The following MYO5B variants were observed in gnomAD, a reference collection of about 807,000 sequenced individuals.
MYO5B encodes the protein unconventional myosin-Vb.
Under a neutral mutation model 229.3 loss-of-function variants are expected in MYO5B, and 143 were observed. The observed-to-expected ratio is 0.62, with a 90% CI of 0.54 to 0.72. The LOEUF is 0.72. Ranked by LOEUF, MYO5B falls within the 30% of genes least tolerant of loss-of-function variation. The pLI is 0.00. For missense variants in MYO5B, 2,321 were observed against 2,331.0 expected, an observed-to-expected ratio of 1.00 and a Z score of 0.09; for synonymous variants, 918 against 885.2, an observed-to-expected ratio of 1.04 and a Z score of -0.66.
chr18:50,106,369 C>T (rs1468556431), intron 1 of MYO5B, among the ~76,000 whole-genome samples: 1 of 152,192 alleles, frequency 6.6e-6, no homozygotes, highest in East Asian at 1.9e-4. Flanking sequence ...TTGCTCAGAG[C>T]TCTTAGATGC....
chr18:50,112,917 C>G (rs2031892753), intron 1 of MYO5B, among the ~76,000 whole-genome samples: 2 of 152,216 alleles, frequency 1.3e-5, no homozygotes, highest in African/African-American at 2.4e-5. Context: ...TAGCACAACA[C>G]AGTCATTAAA....
At chr18:49,902,563 G>T (rs767543034) in intron 21 of MYO5B, 31 bp downstream of exon 21, 26 of 1,606,574 alleles carry the variant, frequency 1.6e-5, no homozygotes, top group Non-Finnish European at 8.5e-7. Flanking sequence ...CCAAGCCCCC[G>T]ACACCCAGGT....
At chr18:50,096,237 A>C (rs1369384153) in intron 1 of MYO5B, among the ~76,000 whole-genome samples, 2 of 152,188 alleles carry the variant, frequency 1.3e-5, no homozygotes, top group Non-Finnish European at 2.9e-5. Flanking sequence ...ATGCTGAGAC[A>C]CTGGGCTGCA....
At chr18:49,985,564 T>A (rs1175002689) in intron 7 of MYO5B, among the ~76,000 whole-genome samples, 1 of 152,172 alleles carries the variant, frequency 6.6e-6, no homozygotes, top group Admixed American at 6.5e-5. Context: ...AAGTGAGCAT[T>A]TAAGGCAACA....
intron 19 of MYO5B, 96 bp downstream of exon 19, chr18:49,906,323 A>T: frequency 8.0e-7 from 1 of 1,246,276 alleles, no homozygotes; most frequent in Non-Finnish European, 1.2e-6. Flanking sequence ...AACCACTCTC[A>T]GCACAGAGGA....
At chr18:50,001,906 C>T (rs2026051295) in intron 4 of MYO5B, among the ~76,000 whole-genome samples, 1 of 152,044 alleles carries the variant, frequency 6.6e-6, no homozygotes, top group African/African-American at 2.4e-5. Flanking sequence ...TATGGTGGCA[C>T]ACGCCTGTAG....
chr18:49,921,731 A>C (rs2025078058), intron 17 of MYO5B, among the ~76,000 whole-genome samples: 1 of 152,170 alleles, frequency 6.6e-6, no homozygotes, highest in Non-Finnish European at 1.5e-5. Flanking sequence ...TTCCTCTTCC[A>C]GGGCATCGGT....
chr18:50,001,134 A>G (rs949562310), intron 5 of MYO5B, 121 bp downstream of exon 5: 5 of 1,295,596 alleles, frequency 3.9e-6, no homozygotes, highest in Non-Finnish European at 5.6e-6. Flanking sequence ...TTTCCTCCAC[A>G]GTGGACAGAG....
chr18:49,828,008 C>G (rs57982161), intron 39 of MYO5B, among the ~76,000 whole-genome samples: 3,774 of 152,222 alleles, frequency 0.025, 143 homozygotes, highest in South Asian at 0.12. Flanking sequence ...ATACCCAGAT[C>G]CATGGATATG....
At chr18:50,028,790 TC>T (rs1484378706) in intron 4 of MYO5B, among the ~76,000 whole-genome samples, 1 of 152,210 alleles carries the variant, frequency 6.6e-6, no homozygotes, top group African/African-American at 2.4e-5. Flanking sequence ...CTCTCTCCTT[TC>T]TAACATGCTG....
At chr18:49,914,690 G>A (rs956504642) in intron 17 of MYO5B, among the ~76,000 whole-genome samples, 1 of 148,098 alleles carries the variant, frequency 6.8e-6, no homozygotes, top group Non-Finnish European at 1.5e-5. Flanking sequence ...TGAGGCAGGA[G>A]AATCACTTGA....
intron 1 of MYO5B, among the ~76,000 whole-genome samples, chr18:50,112,230 C>T (rs1046678169): frequency 6.6e-6 from 1 of 152,112 alleles, no homozygotes; most frequent in Admixed American, 6.5e-5. Context: ...AGAATTGAAG[C>T]CCCACTCCTG....
intron 30 of MYO5B, among the ~76,000 whole-genome samples, chr18:49,854,827 G>A (rs899955100): frequency 2.6e-5 from 4 of 152,174 alleles, no homozygotes; most frequent in African/African-American, 4.8e-5. Context: ...CTACAAGGGA[G>A]CAAGAGAGAG....
At chr18:50,148,546 A>G (rs1006309379) in intron 1 of MYO5B, among the ~76,000 whole-genome samples, 6 of 152,258 alleles carry the variant, frequency 3.9e-5, no homozygotes, top group African/African-American at 1.2e-4. Flanking sequence ...AAATCAATAA[A>G]TGTAATTCAG....
chr18:50,174,363 G>A (rs1018060031), intron 1 of MYO5B, among the ~76,000 whole-genome samples: 4 of 152,064 alleles, frequency 2.6e-5, no homozygotes, highest in Non-Finnish European at 5.9e-5. Context: ...GCCCCCATCA[G>A]CCCCTAGCTC....
Position 50,172,274 on chromosome 18 carries a change from C to T in MYO5B, c.27+22493G>A, listed in dbSNP as rs1227269262. Among the ~76,000 whole-genome samples the T allele has an allele frequency of 2.3e-5, 3 of 129,154 alleles. No individual in the cohort carries two copies. The Admixed American group carries it at 2.5e-4, about 11-fold the overall frequency. 84.7% of individuals were successfully genotyped at this position (129,154 alleles called of 152,430 possible). A position where few individuals can be genotyped will look rare whatever the true frequency, so the allele number is the denominator to read the frequency against. On this transcript the variant is annotated intron_variant, in intron 1 of 39. Transcript: ENST00000285039. ...CCAGCCTAGGTGATAGAGTGAGACC[C>T]TGACAAAAAAAGACAAAAAAAAAAA...
chr18:50,061,780 G>A (rs1037814234), intron 1 of MYO5B, among the ~76,000 whole-genome samples: 15 of 152,194 alleles, frequency 9.9e-5, no homozygotes, highest in African/African-American at 3.1e-4. Flanking sequence ...AACCTCAGGA[G>A]CCAAGGTGGA....
intron 1 of MYO5B, among the ~76,000 whole-genome samples, chr18:50,083,828 T>C (rs957849010): frequency 2.0e-5 from 3 of 152,150 alleles, no homozygotes; most frequent in Non-Finnish European, 4.4e-5. Context: ...ACCAGGGATC[T>C]CAAACTCATT....
At chr18:50,085,257 T>C (rs1306489584) in intron 1 of MYO5B, among the ~76,000 whole-genome samples, 1 of 152,084 alleles carries the variant, frequency 6.6e-6, no homozygotes, top group African/African-American at 2.4e-5. Flanking sequence ...GGGTGAAGGA[T>C]ATGAACAGAC....
Sources: gnomAD v4.1 joint callset for allele counts (sites outside exome capture counted in the v4.1 genomes callset) on GRCh38, gnomAD v4.1.1 for gene constraint, MANE v1.5 for transcripts, NCBI Gene and HGNC (gene_info 2026-07-23, HGNC 2026-07-21) for gene names.